GLMN: variants seen among roughly 807,000 people sequenced by gnomAD.
The protein encoded by GLMN is glomulin, FKBP associated protein, also known as glomulin.
A neutral mutation model predicts 87.8 loss-of-function variants in GLMN; 75 were observed. The ratio of observed to expected loss-of-function variants is 0.85; its 90% CI spans 0.71 to 1.04. The LOEUF (loss-of-function observed/expected upper bound fraction) is 1.04. GLMN is among the 50% of genes least tolerant of loss of function. The pLI is 0.00. For missense variants in GLMN, 588 were observed against 658.8 expected (o/e 0.89, Z 1.18); for synonymous variants, 206 against 221.6 (o/e 0.93, Z 0.63).
intron 16 of GLMN, among the ~76,000 whole-genome samples, chr1:92,252,405 A>C (rs1258455996): frequency 3.3e-5 from 5 of 152,202 alleles, no homozygotes; most frequent in Non-Finnish European, 7.3e-5. Flanking sequence ...AAAGGAAAAA[A>C]AAATTAATAT....
intron 2 of GLMN, 186 bp from the exon 3 acceptor site, chr1:92,297,715 T>C: frequency 1.6e-6 from 1 of 645,080 alleles, no homozygotes; most frequent in Non-Finnish European, 2.7e-6. Context: ...ATAAGTGACC[T>C]TGAAATCTAC....
intron 11 of GLMN, among the ~76,000 whole-genome samples, chr1:92,267,528 T>A (rs1022302957): frequency 6.6e-6 from 1 of 151,492 alleles, no homozygotes; most frequent in Non-Finnish European, 1.5e-5. Flanking sequence ...ACAGTGAAAC[T>A]CCGTCTCTAC....
At chr1:92,262,820 CT>C in intron 16 of GLMN, 42 bp downstream of exon 16, 1 of 827,416 alleles carries the variant, frequency 1.2e-6, no homozygotes. Context: ...TTCCTTATGC[CT>C]TTTGAATATA....
the GLMN span, chr1:92,304,203 A>G: frequency 8.8e-7 from 1 of 1,130,238 alleles, no homozygotes; most frequent in African/African-American, 1.6e-5. Context: ...ATGATATGAT[A>G]TGTAGATGAC....
the GLMN span, among the ~76,000 whole-genome samples, chr1:92,361,089 T>C: frequency 7.7e-6 from 1 of 129,904 alleles, no homozygotes; most frequent in Non-Finnish European, 1.6e-5. Flanking sequence ...TATATATATA[T>C]ATAATATATA....
At chr1:92,291,301 CCT>C in intron 4 of GLMN, 115 bp downstream of exon 4, 1 of 906,656 alleles carries the variant, frequency 1.1e-6, no homozygotes, top group Non-Finnish European at 1.8e-6. Flanking sequence ...CCAACGAGTT[CCT>C]TTCTGCATGT....
At chr1:92,277,758 C>G (rs1647461522) in intron 7 of GLMN, among the ~76,000 whole-genome samples, 1 of 152,158 alleles carries the variant, frequency 6.6e-6, no homozygotes, top group South Asian at 2.1e-4. Context: ...GGTGCCCCCT[C>G]CCCTATACCT....
chr1:92,278,196 A>G lies in GLMN; in HGVS notation c.736-6544T>C, dbSNP rs567434889. Among the ~76,000 whole-genome samples the G allele has an allele frequency of 3.9e-5, 6 of 152,292 alleles. No homozygotes were observed. The Middle Eastern group carries it at 0.017, about 432-fold the overall frequency. Reference sequence around the variant, plus strand: ...AAACTGAGTTTGGTTTTTCTACATCACCAGATTTCCTTTAATAGTTTCCAA... The same window carrying G: ...AAACTGAGTTTGGTTTTTCTACATCGCCAGATTTCCTTTAATAGTTTCCAA... On this transcript the variant is annotated intron_variant, in intron 7 of 18. Transcript: ENST00000370360.
the GLMN span, among the ~76,000 whole-genome samples, chr1:92,363,123 T>C: frequency 6.6e-6 from 1 of 152,200 alleles, no homozygotes; most frequent in Admixed American, 6.5e-5. Context: ...AAGGAGTCTA[T>C]GAACCCCTGC....
the GLMN span, among the ~76,000 whole-genome samples, chr1:92,311,467 TCTTTA>T: frequency 6.6e-6 from 1 of 152,358 alleles, no homozygotes; most frequent in East Asian, 1.9e-4. Context: ...TAATTTGATC[TCTTTA>T]GTCTGTAAAA....
rs549886420 is a variant in GLMN at position 92,247,792 on chromosome 1, T to A, written c.1585+86A>T. On this transcript the variant is annotated intron_variant, in intron 17 of 18. Coordinates refer to ENST00000370360, the MANE Select transcript of GLMN (RefSeq NM_053274.3). The stretch of plus-strand genomic sequence containing the variant: ...TATGGTCTCTAAAGTACAAGATTTT[T>A]AAAAAGTTCTTAAATTTGAATATGA... The A allele has an allele frequency of 5.9e-5, 43 of 726,212 alleles. 1 individual carries two copies. The South Asian group carries it at 5.9e-4, about 10-fold the overall frequency. 45.0% of individuals were successfully genotyped at this position (726,212 alleles called of 1,614,324 possible).
In GLMN at chr1:92,298,905, C is replaced by T; in HGVS notation, c.-31+20G>A. 2.3e-6 allele frequency: 1 copy of T among 434,854 alleles called. No individual in the cohort carries two copies. The allele number at this position is 434,854 out of a possible 1,614,324, so 26.9% of individuals were successfully genotyped here. A position where few individuals can be genotyped will look rare whatever the true frequency, so the allele number is the denominator to read the frequency against. ...ACCGCGAGCCCTGGCCACCCTGAAC[C>T]TCTCCACAACTCCACTTACCGGCCA... is the stretch of plus-strand genomic sequence containing the variant. On this transcript the variant is annotated intron_variant, in intron 1 of 18. Transcript: ENST00000370360.
chr1:92,291,292 C>T (rs1294697419), intron 4 of GLMN, 126 bp downstream of exon 4: 7 of 840,818 alleles, frequency 8.3e-6, no homozygotes, highest in Non-Finnish European at 1.4e-5. Context: ...GTCTTTTCTC[C>T]AACGAGTTCC....
chr1:92,349,995 G>A, the GLMN span, among the ~76,000 whole-genome samples: 1 of 152,056 alleles, frequency 6.6e-6, no homozygotes, highest in Non-Finnish European at 1.5e-5. Context: ...TTGTATTTGT[G>A]TATCTCAGAA....
the GLMN span, among the ~76,000 whole-genome samples, chr1:92,364,929 G>GA: frequency 6.6e-6 from 1 of 152,148 alleles, no homozygotes; most frequent in Non-Finnish European, 1.5e-5. Context: ...AATTTTGCAT[G>GA]AAATTCAAGG....
intron 2 of GLMN, 122 bp from the exon 3 acceptor site, chr1:92,297,651 T>G: frequency 3.3e-6 from 3 of 897,050 alleles, no homozygotes; most frequent in Non-Finnish European, 5.2e-6. Flanking sequence ...TCTAGATAAA[T>G]GTAACGTAAA....
At chr1:92,298,594 G>A (rs911542326) in intron 1 of GLMN, among the ~76,000 whole-genome samples, 1 of 152,150 alleles carries the variant, frequency 6.6e-6, no homozygotes, top group Admixed American at 6.5e-5. Flanking sequence ...GATCAATCCA[G>A]CTAGTGAAAT....
At chr1:92,358,628 C>T in the GLMN span, among the ~76,000 whole-genome samples, 3 of 152,072 alleles carry the variant, frequency 2.0e-5, no homozygotes, top group Admixed American at 6.6e-5. Flanking sequence ...CGCTCTGTCA[C>T]CCAGGCTAAA....
At chr1:92,265,752 AAGAAC>A (rs1302385079) in intron 13 of GLMN, among the ~76,000 whole-genome samples, 1 of 152,162 alleles carries the variant, frequency 6.6e-6, no homozygotes, top group Non-Finnish European at 1.5e-5. Context: ...CCCGCCAAAA[AAGAAC>A]AGTACTAATA....
Sources: allele counts gnomAD v4.1 joint callset (sites outside exome capture counted in the v4.1 genomes callset), GRCh38; gene constraint gnomAD v4.1.1; transcripts MANE v1.5; gene names NCBI Gene and HGNC (gene_info 2026-07-23, HGNC 2026-07-21).